DLG2: variants seen among roughly 807,000 people sequenced by gnomAD.
DLG2 encodes disks large homolog 2.
DLG2 carries 45 observed loss-of-function variants against 132.5 expected under a neutral mutation model. That is an observed-to-expected ratio of 0.34 (90% CI 0.27 to 0.44). DLG2 has a LOEUF of 0.44. DLG2 is among the 20% of genes least tolerant of loss of function. The probability of loss-of-function intolerance (pLI) is 1.00; values close to 1 mark genes in which losing one functional copy is unlikely to be tolerated. For missense variants in DLG2, 1,045 were observed against 1,196.9 expected, an observed-to-expected ratio of 0.87 and a Z score of 1.87; for synonymous variants, 424 against 419.6, an observed-to-expected ratio of 1.01 and a Z score of -0.13.
At chr11:85,592,740 C>T (rs565280444) in intron 3 of DLG2, among the ~76,000 whole-genome samples, 2 of 152,150 alleles carry the variant, frequency 1.3e-5, no homozygotes, top group South Asian at 4.1e-4. Flanking sequence ...CACTTGAGCC[C>T]AGGAGTTCAA....
At chr11:84,179,154 G>A (rs964799752) in intron 8 of DLG2, among the ~76,000 whole-genome samples, 2 of 152,030 alleles carry the variant, frequency 1.3e-5, no homozygotes, top group African/African-American at 4.8e-5. Flanking sequence ...TATTAACAGA[G>A]AAATAGAAAT....
At chr11:84,485,748 C>T (rs923978531) in intron 7 of DLG2, among the ~76,000 whole-genome samples, 1 of 152,112 alleles carries the variant, frequency 6.6e-6, no homozygotes, top group Non-Finnish European at 1.5e-5. Context: ...TAATTGGGTA[C>T]TCATTAAATG....
intron 8 of DLG2, among the ~76,000 whole-genome samples, chr11:84,189,661 G>C (rs1011842466): frequency 6.6e-6 from 1 of 152,174 alleles, no homozygotes; most frequent in African/African-American, 2.4e-5. Context: ...AAGAGATCAT[G>C]TTCTTTGCAG....
At chr11:83,728,743 A>C (rs953880210) in intron 18 of DLG2, among the ~76,000 whole-genome samples, 1 of 152,288 alleles carries the variant, frequency 6.6e-6, no homozygotes, top group Admixed American at 6.5e-5. Context: ...TGCCAGCAAC[A>C]CTCTTGTCTT....
intron 6 of DLG2, among the ~76,000 whole-genome samples, chr11:84,579,197 G>A (rs904959947): frequency 6.6e-6 from 1 of 151,410 alleles, no homozygotes; most frequent in African/African-American, 2.4e-5. Context: ...ACGTGTGTGT[G>A]TGTGTGTGTG....
intron 7 of DLG2, among the ~76,000 whole-genome samples, chr11:84,364,355 G>A (rs1395029284): frequency 6.6e-6 from 1 of 152,116 alleles, no homozygotes; most frequent in East Asian, 1.9e-4. Context: ...TTTGTACATT[G>A]ATTTTGTATC....
intron 19 of DLG2, among the ~76,000 whole-genome samples, chr11:83,592,559 T>A (rs1342117699): frequency 6.6e-6 from 1 of 152,150 alleles, no homozygotes; most frequent in Non-Finnish European, 1.5e-5. Context: ...AACCTAGGCA[T>A]CACCATTCAG....
At chr11:83,957,368 A>C (rs760707633) in intron 14 of DLG2, among the ~76,000 whole-genome samples, 1 of 152,228 alleles carries the variant, frequency 6.6e-6, no homozygotes, top group Non-Finnish European at 1.5e-5. Context: ...TCAGTAGTCA[A>C]AACAGTCTGA....
At chr11:85,096,789 G>A (rs1566840441) in intron 6 of DLG2, among the ~76,000 whole-genome samples, 2 of 152,096 alleles carry the variant, frequency 1.3e-5, no homozygotes, top group African/African-American at 2.4e-5. Flanking sequence ...TTAGAATTTG[G>A]GGGTTAAATA....
At chr11:85,339,441 C>G (rs1192157311) in intron 3 of DLG2, among the ~76,000 whole-genome samples, 1 of 152,110 alleles carries the variant, frequency 6.6e-6, no homozygotes, top group East Asian at 1.9e-4. Context: ...TGTCCATTTT[C>G]CCTCCAGAAG....
chr11:85,058,167 C>T (rs1189202325), intron 6 of DLG2, among the ~76,000 whole-genome samples: 5 of 151,224 alleles, frequency 3.3e-5, no homozygotes, highest in East Asian at 1.9e-4. Flanking sequence ...AATCTATAGA[C>T]GAAGCATTAG....
intron 6 of DLG2, among the ~76,000 whole-genome samples, chr11:85,099,138 T>C (rs1199224099): frequency 6.6e-6 from 1 of 152,240 alleles, no homozygotes. Context: ...AAACATTTTG[T>C]ACAAATCTGC....
intron 6 of DLG2, among the ~76,000 whole-genome samples, chr11:85,022,864 C>G (rs1406848093): frequency 6.6e-6 from 1 of 151,988 alleles, no homozygotes; most frequent in Non-Finnish European, 1.5e-5. Context: ...TCCCCAAATG[C>G]AAGTATTAGC....
chr11:83,828,902 A>G (rs182428890), intron 17 of DLG2, among the ~76,000 whole-genome samples: 1 of 152,146 alleles, frequency 6.6e-6, no homozygotes, highest in African/African-American at 2.4e-5. Context: ...ATATACATAT[A>G]CATACATATA....
intron 7 of DLG2, among the ~76,000 whole-genome samples, chr11:84,288,267 A>G (rs1260781626): frequency 6.6e-6 from 1 of 152,018 alleles, no homozygotes; most frequent in Non-Finnish European, 1.5e-5. Flanking sequence ...GAATACTTAC[A>G]CTTAAATATT....
At chr11:85,518,529 G>A (rs1413208334) in intron 3 of DLG2, among the ~76,000 whole-genome samples, 1 of 152,158 alleles carries the variant, frequency 6.6e-6, no homozygotes, top group African/African-American at 2.4e-5. Flanking sequence ...GGTGACTTGG[G>A]TGCTATTAAA....
intron 3 of DLG2, among the ~76,000 whole-genome samples, chr11:85,586,910 A>C (rs1338032074): frequency 2.6e-5 from 4 of 152,150 alleles, no homozygotes; most frequent in African/African-American, 7.2e-5. Flanking sequence ...ACTATTGTTC[A>C]GTTCAAAGAA....
At chr11:84,344,400 C>T (rs2098529796) in intron 7 of DLG2, among the ~76,000 whole-genome samples, 1 of 152,150 alleles carries the variant, frequency 6.6e-6, no homozygotes, top group Admixed American at 6.5e-5. Context: ...ACTCAGGGCT[C>T]ACTACATACT....
At chr11:83,466,063 C>A (rs2090977989) in intron 26 of DLG2, among the ~76,000 whole-genome samples, 1 of 152,062 alleles carries the variant, frequency 6.6e-6, no homozygotes, top group Non-Finnish European at 1.5e-5. Flanking sequence ...AAAGAAAAAA[C>A]CCTGAGTGCA....
Sources: allele counts gnomAD v4.1 joint callset (sites outside exome capture counted in the v4.1 genomes callset), GRCh38; gene constraint gnomAD v4.1.1; transcripts MANE v1.5; gene names NCBI Gene and HGNC (gene_info 2026-07-23, HGNC 2026-07-21).